Variants in DAPK1 observed in about 807,000 individuals in gnomAD.
DAPK1 encodes death associated protein kinase 1, also known as death-associated protein kinase 1.
In DAPK1, 56 loss-of-function variants were observed where a neutral mutation model predicts 144.9. That is an observed-to-expected ratio of 0.39 (90% CI 0.31 to 0.48). The LOEUF is 0.48. DAPK1 is among the 20% of genes least tolerant of loss of function. DAPK1 has a pLI of 0.95. For synonymous variants in DAPK1, 690 were observed against 749.0 expected (o/e 0.92, Z 1.29); for missense variants, 1,454 against 1,875.4 (o/e 0.78, Z 4.15).
chr9:87,607,393 A>C (rs561621971), intron 3 of DAPK1, among the ~76,000 whole-genome samples: 1 of 152,320 alleles, frequency 6.6e-6, no homozygotes, highest in African/African-American at 2.4e-5. Flanking sequence ...GGTTGTGCCC[A>C]GTGACTCAAG....
intron 3 of DAPK1, among the ~76,000 whole-genome samples, chr9:87,608,632 C>A (rs1036750431): frequency 6.6e-5 from 10 of 152,224 alleles, no homozygotes; most frequent in Admixed American, 5.9e-4. Context: ...ACCAGTGGGG[C>A]TCTGTACTGT....
At chr9:87,594,600 C>T (rs1828251076) in intron 2 of DAPK1, among the ~76,000 whole-genome samples, 1 of 152,246 alleles carries the variant, frequency 6.6e-6, no homozygotes, top group Non-Finnish European at 1.5e-5. Flanking sequence ...CTCCAGGCTC[C>T]TTCCTGTCAC....
rs142432669 is a variant in DAPK1, at chr9:87,571,834, G to A, written c.63-33120G>A. On this transcript the variant is annotated intron_variant, in intron 2 of 25. Coordinates refer to ENST00000408954, the MANE Select transcript of DAPK1 (RefSeq NM_004938.4). ...GGTGCCTCTGTGTCCCCTGGGATGG[G>A]GACATGGGGGTTGGAGGCCTCTCTC... 3.7e-3 allele frequency among the ~76,000 whole-genome samples: 562 copies of A among 152,344 alleles called. 3 individuals are homozygous for A. The highest frequency in any genetic ancestry group is 0.013 in the African/African-American group (546 of 41,572).
chr9:87,629,254 G>A (rs891128853), intron 3 of DAPK1, among the ~76,000 whole-genome samples: 1 of 152,140 alleles, frequency 6.6e-6, no homozygotes, highest in African/African-American at 2.4e-5. Context: ...AGGGAGAGAC[G>A]CAGGGAAAGT....
intron 2 of DAPK1, among the ~76,000 whole-genome samples, chr9:87,538,921 C>A (rs2118444736): frequency 6.6e-6 from 1 of 151,090 alleles, no homozygotes; most frequent in South Asian, 2.1e-4. Flanking sequence ...TATTTGGATG[C>A]TAAGAGATCT....
At chr9:87,555,889 G>A (rs141881489) in intron 2 of DAPK1, among the ~76,000 whole-genome samples, 2 of 152,328 alleles carry the variant, frequency 1.3e-5, no homozygotes, top group Non-Finnish European at 2.9e-5. Context: ...AAAGCTAGGC[G>A]AGTTCCATAT....
chr9:87,627,193 G>A (rs1196677506), intron 3 of DAPK1, among the ~76,000 whole-genome samples: 4 of 152,102 alleles, frequency 2.6e-5, no homozygotes, highest in Non-Finnish European at 1.5e-5. Context: ...TGGTTGCCTC[G>A]GCCCATGAGG....
intron 19 of DAPK1, among the ~76,000 whole-genome samples, chr9:87,680,723 A>G (rs1187529973): frequency 3.3e-5 from 5 of 152,104 alleles, no homozygotes; most frequent in African/African-American, 4.8e-5. Context: ...TCAAAATGCA[A>G]TGGAAATAGG....
chr9:87,601,791 T>C (rs1462665167), intron 2 of DAPK1, among the ~76,000 whole-genome samples: 1 of 152,158 alleles, frequency 6.6e-6, no homozygotes, highest in Admixed American at 6.5e-5. Context: ...AGTGGCTAAG[T>C]CCTAAATAAA....
At chr9:87,596,514 C>T in intron 2 of DAPK1, among the ~76,000 whole-genome samples, 1 of 152,182 alleles carries the variant, frequency 6.6e-6, no homozygotes, top group Non-Finnish European at 1.5e-5. Flanking sequence ...CAGCACTTTC[C>T]TTGAAAGGTG....
intron 14 of DAPK1, 168 bp from the exon 15 acceptor site, chr9:87,648,613 C>A: frequency 1.6e-6 from 1 of 606,322 alleles, no homozygotes; most frequent in Middle Eastern, 3.8e-4. Flanking sequence ...GACACCCCAA[C>A]CTCAGGTCCC....
At chr9:87,572,838 G>T (rs36203854) in intron 2 of DAPK1, among the ~76,000 whole-genome samples, 4,334 of 152,258 alleles carry the variant, frequency 0.028, 90 homozygotes, top group Middle Eastern at 0.048. Flanking sequence ...TAACACTGTA[G>T]GTCTAGGTGG....
intron 3 of DAPK1, among the ~76,000 whole-genome samples, chr9:87,614,626 C>T (rs1360640106): frequency 2.0e-5 from 3 of 152,178 alleles, no homozygotes; most frequent in African/African-American, 7.2e-5. Flanking sequence ...GCACATCAAG[C>T]GGGTGTAATG....
chr9:87,697,554 G>C (rs1825304108), intron 22 of DAPK1, among the ~76,000 whole-genome samples: 1 of 152,140 alleles, frequency 6.6e-6, no homozygotes, highest in African/African-American at 2.4e-5. Flanking sequence ...TTGTATGTTG[G>C]GTGCAAAATG....
Position 87,707,958 on chromosome 9 carries a change from A to G in DAPK1, c.*594A>G, listed in dbSNP as rs1270109296. 2.7e-5 allele frequency: 12 copies of G among 449,082 alleles called. No individual in the cohort carries two copies. Among genetic ancestry groups the G allele is most frequent in the Non-Finnish European group, 4.9e-5 (11 of 223,808 alleles). The allele number at this position is 449,082 out of a possible 1,614,324, so 27.8% of individuals were successfully genotyped here. On this transcript the variant is annotated 3_prime_UTR_variant, in exon 26 of 26. Coordinates refer to ENST00000408954, the MANE Select transcript of DAPK1 (RefSeq NM_004938.4). The surrounding 1 kb of genome is among the most constrained non-coding windows in gnomAD (Gnocchi z 4.0). Reference sequence around the variant, plus strand: ...TCAGCCAGGAGCTGTCACCAAGGAAACGCTACCTCTCTGTCCCTTGCTGTA... The same window carrying G: ...TCAGCCAGGAGCTGTCACCAAGGAAGCGCTACCTCTCTGTCCCTTGCTGTA...
At chr9:87,632,479 G>T (rs1829732187) in intron 3 of DAPK1, 2 of 980,092 alleles carry the variant, frequency 2.0e-6, no homozygotes, top group African/African-American at 3.5e-5. Context: ...AATGAAGGGT[G>T]ATCAGTATAT....
At chr9:87,646,435 A>C (rs371900492) in intron 12 of DAPK1, 26 bp from the exon 13 acceptor site, 2 of 1,552,468 alleles carry the variant, frequency 1.3e-6, no homozygotes, top group South Asian at 2.3e-5. Flanking sequence ...CCTGAAAATT[A>C]GTAATTTTTT....
chr9:87,537,763 T>G (rs114183949), intron 2 of DAPK1, among the ~76,000 whole-genome samples: 2 of 152,152 alleles, frequency 1.3e-5, no homozygotes, highest in African/African-American at 2.4e-5. Context: ...TGGTGTGAAG[T>G]GTGCAGCTGT....
intron 2 of DAPK1, among the ~76,000 whole-genome samples, chr9:87,531,391 A>G (rs1419178809): frequency 6.6e-6 from 1 of 152,198 alleles, no homozygotes; most frequent in Admixed American, 6.5e-5. Flanking sequence ...TTTTCTTCAT[A>G]GAGTATACTT....
Sources: gnomAD v4.1 joint callset for allele counts (sites outside exome capture counted in the v4.1 genomes callset) on GRCh38, gnomAD v4.1.1 for gene constraint, Gnocchi (gnomAD v3.1) non-coding constraint, MANE v1.5 for transcripts, NCBI Gene and HGNC (gene_info 2026-07-23, HGNC 2026-07-21) for gene names.